Variants in PAX8 observed in about 807,000 individuals in gnomAD.
The protein encoded by PAX8 is paired box protein Pax-8.
A neutral mutation model predicts 52.4 loss-of-function variants in PAX8; 15 were observed. The ratio of observed to expected loss-of-function variants is 0.29; its 90% confidence interval spans 0.19 to 0.44. The LOEUF is 0.44. PAX8 is among the 20% of genes least tolerant of loss of function. The pLI is 1.00. For synonymous variants in PAX8, 284 were observed against 249.7 expected (o/e 1.14, Z -1.29); for missense variants, 554 against 602.5 (o/e 0.92, Z 0.84).
chr2:113,277,390 G>T lies in PAX8; in HGVS notation c.25+980C>A, dbSNP rs542080214. ...CTCAGCCTCGCTGCGCGCCCGATCCGACCCTCCTTATTATAACAAATGTCC... is the reference window on the plus strand; with the variant it reads ...CTCAGCCTCGCTGCGCGCCCGATCCTACCCTCCTTATTATAACAAATGTCC... On this transcript the variant is annotated intron_variant, in intron 2 of 11. Coordinates refer to ENST00000429538, the MANE Select transcript of PAX8 (RefSeq NM_003466.4). Among the ~76,000 whole-genome samples, 3 of 152,332 alleles carry T rather than the reference G, an allele frequency of 2.0e-5. No individual in the cohort carries two copies. In the South Asian group the frequency reaches 6.2e-4, roughly 32 times the overall value.
chr2:113,238,615 A>G (rs1690560728), intron 7 of PAX8: 1 of 152,192 alleles, frequency 6.6e-6, no homozygotes, highest in Non-Finnish European at 1.5e-5. Context: ...CTGGAATTGA[A>G]CTTGAATCGG....
intron 2 of PAX8, among the ~76,000 whole-genome samples, chr2:113,277,258 G>T (rs1693883212): frequency 1.3e-5 from 2 of 152,144 alleles, no homozygotes; most frequent in South Asian, 4.1e-4. Flanking sequence ...GAAATCTTCC[G>T]GCGCCCCAGG....
chr2:113,259,175 T>G (rs1056409846), intron 2 of PAX8: 1 of 152,616 alleles, frequency 6.6e-6, no homozygotes, highest in Non-Finnish European at 1.5e-5. Context: ...ATATAAGGTA[T>G]ATAAAGTAAC....
intron 9 of PAX8, among the ~76,000 whole-genome samples, chr2:113,234,293 C>T (rs1274460926): frequency 6.6e-6 from 1 of 152,234 alleles, no homozygotes; most frequent in Non-Finnish European, 1.5e-5. Context: ...CTCAGCCATT[C>T]CTCAGGCCCT....
At chr2:113,224,439 G>T (rs1046467778) in intron 10 of PAX8, among the ~76,000 whole-genome samples, 1 of 151,608 alleles carries the variant, frequency 6.6e-6, no homozygotes, top group African/African-American at 2.4e-5. Context: ...GACAGCTAGT[G>T]GGGAGGCTGA....
intron 10 of PAX8, among the ~76,000 whole-genome samples, chr2:113,224,680 G>A (rs1689448772): frequency 6.6e-6 from 1 of 151,854 alleles, no homozygotes; most frequent in Non-Finnish European, 1.5e-5. Context: ...AAAATGTATG[G>A]GAAGATGAAT....
intron 9 of PAX8, among the ~76,000 whole-genome samples, chr2:113,229,372 T>C (rs1181485454): frequency 1.3e-5 from 2 of 152,250 alleles, no homozygotes; most frequent in African/African-American, 4.8e-5. Context: ...CAGGTGGACA[T>C]TGATTAGCAC....
At chr2:113,236,394 C>T (rs1311505543) in intron 8 of PAX8, 4 of 439,284 alleles carry the variant, frequency 9.1e-6, no homozygotes, top group African/African-American at 7.0e-5. Context: ...ACCTTGAGGC[C>T]CGGCCTAGGA....
intron 2 of PAX8, among the ~76,000 whole-genome samples, chr2:113,251,642 C>T (rs1184425165): frequency 2.0e-5 from 3 of 152,114 alleles, no homozygotes; most frequent in Admixed American, 6.5e-5. Context: ...AGAAACATAT[C>T]CTTTTGAAAA....
chr2:113,226,622 T>C, intron 10 of PAX8: 1 of 1,078,574 alleles, frequency 9.3e-7, no homozygotes, highest in South Asian at 3.0e-5. Context: ...CCATGCAGGC[T>C]TGAGAGAGAG....
intron 5 of PAX8, among the ~76,000 whole-genome samples, chr2:113,242,340 C>T (rs557583014): frequency 6.6e-6 from 1 of 150,434 alleles, no homozygotes; most frequent in South Asian, 2.1e-4. Flanking sequence ...GTGAGAGTGA[C>T]ACCCCTCACA....
intron 2 of PAX8, among the ~76,000 whole-genome samples, chr2:113,250,367 T>C (rs531033876): frequency 2.0e-5 from 3 of 152,270 alleles, no homozygotes; most frequent in South Asian, 4.1e-4. Context: ...TAATTTGTAA[T>C]ATTCCCATGG....
intron 4 of PAX8, among the ~76,000 whole-genome samples, chr2:113,243,127 G>A (rs1185570777): frequency 1.3e-5 from 2 of 152,188 alleles, no homozygotes; most frequent in South Asian, 2.1e-4. Context: ...CTTAGTGCAT[G>A]TCATCACCAG....
chr2:113,276,994 T>A (rs1558766255), intron 2 of PAX8, among the ~76,000 whole-genome samples: 1 of 152,218 alleles, frequency 6.6e-6, no homozygotes, highest in Non-Finnish European at 1.5e-5. Context: ...AACCTGATCC[T>A]GACCTTAGAT....
At chr2:113,246,018 C>T (rs1691290977) in intron 3 of PAX8, among the ~76,000 whole-genome samples, 1 of 152,218 alleles carries the variant, frequency 6.6e-6, no homozygotes, top group African/African-American at 2.4e-5. Context: ...ATGGAAGTGG[C>T]TTTGCAGACT....
At chr2:113,245,692 C>T (rs1051626413) in intron 3 of PAX8, among the ~76,000 whole-genome samples, 1 of 152,156 alleles carries the variant, frequency 6.6e-6, no homozygotes, top group Non-Finnish European at 1.5e-5. Flanking sequence ...GTTGTAGAAA[C>T]TCTCTGCTCT....
Position 113,218,511 on chromosome 2 carries a change from G to A in PAX8, c.*22C>T, listed in dbSNP as rs370481302. ...GGCTGAGTCCTCCTGTTGCTCAGTC[G>A]CTCCCACTGTCCCCATGGCAACTAC... On this transcript the variant is annotated 3_prime_UTR_variant, in exon 12 of 12. Transcript: ENST00000429538. 15 of 1,473,060 alleles carry A rather than the reference G, an allele frequency of 1.0e-5. No individual in the cohort carries two copies. Among genetic ancestry groups the A allele is most frequent in the Middle Eastern group, 1.7e-4 (1 of 5,754 alleles). 91.2% of individuals were successfully genotyped at this position (1,473,060 alleles called of 1,614,324 possible). A position where few individuals can be genotyped will look rare whatever the true frequency, so the allele number is the denominator to read the frequency against.
intron 2 of PAX8, chr2:113,266,367 C>G (rs1445928777): frequency 1.3e-5 from 2 of 152,196 alleles, no homozygotes; most frequent in African/African-American, 4.8e-5. Context: ...CACAAGGCAC[C>G]TGGGCTCCTA....
At chr2:113,265,237 G>A (rs1692971319) in intron 2 of PAX8, among the ~76,000 whole-genome samples, 1 of 152,182 alleles carries the variant, frequency 6.6e-6, no homozygotes, top group Admixed American at 6.5e-5. Context: ...TGCAGCTGTG[G>A]CAAGAGAGCC....
Sources: gnomAD v4.1 joint callset for allele counts (sites outside exome capture counted in the v4.1 genomes callset) on GRCh38, gnomAD v4.1.1 for gene constraint, MANE v1.5 for transcripts, NCBI Gene and HGNC (gene_info 2026-07-23, HGNC 2026-07-21) for gene names.